The following DENND1A variants were observed in gnomAD, a reference collection of about 807,000 sequenced individuals.
DENND1A encodes the protein DENN domain containing 1A.
In DENND1A, 51 loss-of-function variants were observed where a neutral mutation model predicts 113.7. The ratio of observed to expected loss-of-function variants is 0.45; its 90% CI spans 0.36 to 0.57. DENND1A has a LOEUF of 0.57. DENND1A is among the 20% of genes least tolerant of loss of function. DENND1A has a pLI of 0.00. For synonymous variants in DENND1A, 565 were observed against 570.8 expected (o/e 0.99, Z 0.14); for missense variants, 1,258 against 1,395.9 (o/e 0.90, Z 1.57).
chr9:123,402,157 G>C (rs1167956408), intron 21 of DENND1A, among the ~76,000 whole-genome samples: 2 of 152,220 alleles, frequency 1.3e-5, no homozygotes, highest in Non-Finnish European at 2.9e-5. Context: ...ATTGTGCAGA[G>C]CAAAAGTTAA....
At chr9:123,545,792 T>G (rs2056636576) in intron 13 of DENND1A, among the ~76,000 whole-genome samples, 1 of 152,106 alleles carries the variant, frequency 6.6e-6, no homozygotes, top group Non-Finnish European at 1.5e-5. Context: ...CTTAAGAAGT[T>G]CATAGTCTAG....
At chr9:123,552,268 C>T (rs574749904) in intron 13 of DENND1A, among the ~76,000 whole-genome samples, 3 of 152,204 alleles carry the variant, frequency 2.0e-5, no homozygotes, top group African/African-American at 4.8e-5. Context: ...AGGAGGTGGG[C>T]GAGGGCAGGG....
intron 19 of DENND1A, among the ~76,000 whole-genome samples, chr9:123,421,286 G>A (rs1335068785): frequency 1.3e-5 from 2 of 151,808 alleles, no homozygotes. Context: ...GAAAGATGAA[G>A]AAACCGAGGC....
chr9:123,828,468 AAAT>A (rs1206700070), intron 2 of DENND1A, among the ~76,000 whole-genome samples: 1 of 152,028 alleles, frequency 6.6e-6, no homozygotes. Context: ...GGCTTACAAG[AAAT>A]AATAAGTAAT....
intron 20 of DENND1A, among the ~76,000 whole-genome samples, chr9:123,406,611 C>T (rs1242033040): frequency 2.0e-5 from 3 of 152,344 alleles, no homozygotes; most frequent in East Asian, 3.9e-4. Context: ...CGAGTATCAT[C>T]GTGATTAGAG....
intron 9 of DENND1A, among the ~76,000 whole-genome samples, chr9:123,642,309 G>T (rs1486926349): frequency 6.6e-6 from 1 of 152,228 alleles, no homozygotes; most frequent in African/African-American, 2.4e-5. Flanking sequence ...GTCCATGGAA[G>T]TTCCTTTATT....
At chr9:123,732,379 C>T (rs1170403888) in intron 5 of DENND1A, among the ~76,000 whole-genome samples, 2 of 152,226 alleles carry the variant, frequency 1.3e-5, no homozygotes, top group African/African-American at 4.8e-5. Context: ...ATCACAGATA[C>T]ACACACCAAC....
At chr9:123,640,774 T>A (rs2061988939) in intron 9 of DENND1A, among the ~76,000 whole-genome samples, 1 of 152,194 alleles carries the variant, frequency 6.6e-6, no homozygotes, top group African/African-American at 2.4e-5. Context: ...CTATCCCCAT[T>A]TTCACAGAAG....
At chr9:123,919,703 G>A (rs1296935112) in intron 1 of DENND1A, among the ~76,000 whole-genome samples, 1 of 150,928 alleles carries the variant, frequency 6.6e-6, no homozygotes, top group Non-Finnish European at 1.5e-5. Flanking sequence ...CCAAAATGGT[G>A]AAATCTCATC....
chr9:123,526,171 G>GCA (rs61059551), intron 13 of DENND1A, among the ~76,000 whole-genome samples: 99,059 of 150,700 alleles, frequency 0.66, 32,979 homozygotes, highest in East Asian at 0.8. Context: ...CTGCACATGT[G>GCA]CACACACACA....
At chr9:123,770,839 T>C (rs998091038) in intron 3 of DENND1A, among the ~76,000 whole-genome samples, 2 of 152,356 alleles carry the variant, frequency 1.3e-5, no homozygotes, top group East Asian at 1.9e-4. Context: ...ACTGAATTGA[T>C]GCTTCTCGCT....
At chr9:123,469,021 C>G (rs1279745589) in intron 13 of DENND1A, among the ~76,000 whole-genome samples, 1 of 152,226 alleles carries the variant, frequency 6.6e-6, no homozygotes, top group African/African-American at 2.4e-5. Context: ...CACACTCCTT[C>G]CCTGCCCTCA....
chr9:123,673,668 A>C (rs1414431593), intron 6 of DENND1A, among the ~76,000 whole-genome samples: 1 of 152,166 alleles, frequency 6.6e-6, no homozygotes, highest in African/African-American at 2.4e-5. Context: ...TATAACACAC[A>C]CATGGAATCA....
At chr9:123,396,152 C>G (rs898894779) in intron 21 of DENND1A, among the ~76,000 whole-genome samples, 7 of 152,054 alleles carry the variant, frequency 4.6e-5, no homozygotes, top group African/African-American at 1.7e-4. Context: ...AGGAGGGAGG[C>G]CACGCGCTCT....
intron 2 of DENND1A, among the ~76,000 whole-genome samples, chr9:123,814,329 T>C (rs944704398): frequency 6.6e-6 from 1 of 152,176 alleles, no homozygotes; most frequent in African/African-American, 2.4e-5. Context: ...CAGCCATCTA[T>C]TGGAACCTAA....
intron 6 of DENND1A, among the ~76,000 whole-genome samples, chr9:123,674,342 TCACACACACACACACACACACACACA>T (rs546398875): frequency 2.3e-5 from 3 of 132,376 alleles, no homozygotes; most frequent in Admixed American, 1.5e-4. Flanking sequence ...TGTCTCTCTC[TCACACACACACACACACACACACACA>T]CACACACACA....
chr9:123,550,205 T>C (rs1488865026), intron 13 of DENND1A, among the ~76,000 whole-genome samples: 1 of 152,246 alleles, frequency 6.6e-6, no homozygotes, highest in Non-Finnish European at 1.5e-5. Flanking sequence ...ATCTGGAAGC[T>C]GGCCTCTTGG....
intron 11 of DENND1A, among the ~76,000 whole-genome samples, chr9:123,585,905 T>C (rs2136877621): frequency 6.6e-6 from 1 of 152,312 alleles, no homozygotes; most frequent in African/African-American, 2.4e-5. Context: ...CCCACAATGC[T>C]GGCCACACAG....
At chr9:123,711,513 G>GTATGTATATATATATA (rs2066612382) in intron 5 of DENND1A, among the ~76,000 whole-genome samples, 1 of 121,004 alleles carries the variant, frequency 8.3e-6, no homozygotes, top group Non-Finnish European at 1.7e-5. Flanking sequence ...ATGTATATAT[G>GTATGTATATATATATA]TATATATATA....
Sources: gnomAD v4.1 joint callset for allele counts (sites outside exome capture counted in the v4.1 genomes callset) on GRCh38, gnomAD v4.1.1 for gene constraint, MANE v1.5 for transcripts, NCBI Gene and HGNC (gene_info 2026-07-23, HGNC 2026-07-21) for gene names.